COL13A1: variants seen among roughly 807,000 people sequenced by gnomAD.
The protein encoded by COL13A1 is collagen type XIII alpha 1 chain.
Under a neutral mutation model 130.9 loss-of-function variants are expected in COL13A1, and 89 were observed. The ratio of observed to expected loss-of-function variants is 0.68; its 90% CI spans 0.57 to 0.81. COL13A1 has a LOEUF of 0.81. COL13A1 is among the 30% of genes least tolerant of loss of function. COL13A1 has a pLI of 0.00. For missense variants in COL13A1, 879 were observed against 934.6 expected, an observed-to-expected ratio of 0.94 and a Z score of 0.78; for synonymous variants, 402 against 341.6, an observed-to-expected ratio of 1.18 and a Z score of -1.95.
intron 34 of COL13A1, among the ~76,000 whole-genome samples, chr10:69,938,903 C>A (rs1251509871): frequency 6.6e-6 from 1 of 152,158 alleles, no homozygotes; most frequent in Non-Finnish European, 1.5e-5. Context: ...CTTCCTGCCC[C>A]ACTCAACCAC....
At chr10:69,809,148 C>T (rs1005549824) in intron 1 of COL13A1, among the ~76,000 whole-genome samples, 1 of 152,198 alleles carries the variant, frequency 6.6e-6, no homozygotes, top group African/African-American at 2.4e-5. Flanking sequence ...ATTTGAACCC[C>T]TGCCACTAAC....
chr10:69,804,415 G>C (rs913322349), intron 1 of COL13A1, among the ~76,000 whole-genome samples: 1 of 152,038 alleles, frequency 6.6e-6, no homozygotes, highest in African/African-American at 2.4e-5. Context: ...GGGCCTTGGG[G>C]CTAACTATTG....
At chr10:69,803,737 C>T (rs1840699772) in intron 1 of COL13A1, among the ~76,000 whole-genome samples, 2 of 151,418 alleles carry the variant, frequency 1.3e-5, no homozygotes, top group Non-Finnish European at 2.9e-5. Context: ...GTGGTAGAGG[C>T]CAGCAACCCT....
intron 1 of COL13A1, among the ~76,000 whole-genome samples, chr10:69,822,018 CCA>C (rs1337950307): frequency 8.5e-5 from 13 of 152,176 alleles, no homozygotes; most frequent in Non-Finnish European, 1.9e-4. Flanking sequence ...GGAGCCCAGT[CCA>C]AGGCAGAAAA....
intron 10 of COL13A1, 30 bp from the exon 11 acceptor site, chr10:69,894,522 C>A (rs1371039677): frequency 6.2e-7 from 1 of 1,613,296 alleles, no homozygotes; most frequent in Non-Finnish European, 8.5e-7. Flanking sequence ...TCTGTCTGCC[C>A]ACTGACCTGT....
chr10:69,947,199 C>T, intron 37 of COL13A1, 108 bp from the exon 38 acceptor site: 1 of 971,486 alleles, frequency 1.0e-6, no homozygotes, highest in Non-Finnish European at 1.6e-6. Flanking sequence ...CTAAACCTGT[C>T]TCCAGTGAGT....
chr10:69,938,405 C>T (rs1206934137), intron 34 of COL13A1, among the ~76,000 whole-genome samples: 1 of 152,142 alleles, frequency 6.6e-6, no homozygotes, highest in African/African-American at 2.4e-5. Context: ...GCTCCATGCC[C>T]CCTAACCCTC....
Position 69,924,002 on chromosome 10 carries a change from G to A in COL13A1, c.1284+147G>A, listed in dbSNP as rs117521777. The A allele has an allele frequency of 2.2e-4, 240 of 1,095,892 alleles. 1 individual carries two copies. The East Asian group carries it at 6.3e-3, about 29-fold the overall frequency. The allele number at this position is 1,095,892 out of a possible 1,614,324, so 67.9% of individuals were successfully genotyped here. A position where few individuals can be genotyped will look rare whatever the true frequency, so the allele number is the denominator to read the frequency against. ...CTTCCCTAATTCCTGGTTGGCTTGG[G>A]CTTTAGAGAGCCATGCACTGAGACA... is the stretch of plus-strand genomic sequence containing the variant. On this transcript the variant is annotated intron_variant, in intron 24 of 40. Transcript: ENST00000645393.
At chr10:69,938,604 CCTGGG>C (rs1420844164) in intron 34 of COL13A1, among the ~76,000 whole-genome samples, 3 of 152,204 alleles carry the variant, frequency 2.0e-5, no homozygotes, top group Non-Finnish European at 4.4e-5. Flanking sequence ...CTTCCTCTGT[CCTGGG>C]CTCAAGGCCA....
chr10:69,831,294 G>C (rs557299175), intron 2 of COL13A1, among the ~76,000 whole-genome samples: 1 of 152,178 alleles, frequency 6.6e-6, no homozygotes, highest in Non-Finnish European at 1.5e-5. Flanking sequence ...AGACCCAGGG[G>C]GTCAAGCCCT....
chr10:69,825,676 G>A (rs1291748484), intron 2 of COL13A1, among the ~76,000 whole-genome samples: 1 of 152,212 alleles, frequency 6.6e-6, no homozygotes, highest in Non-Finnish European at 1.5e-5. Context: ...GCCCTCTGTG[G>A]CCAGCTAGGC....
At chr10:69,895,461 G>A (rs2061542789) in intron 12 of COL13A1, 89 bp from the exon 13 acceptor site, 1 of 1,377,598 alleles carries the variant, frequency 7.3e-7, no homozygotes, top group Non-Finnish European at 1.0e-6. Flanking sequence ...TGACATGTGT[G>A]GCATGTCCTG....
chr10:69,841,718 T>C (rs1851646887), intron 2 of COL13A1, among the ~76,000 whole-genome samples: 1 of 151,856 alleles, frequency 6.6e-6, no homozygotes, highest in African/African-American at 2.4e-5. Flanking sequence ...AGAAAAAAAA[T>C]CCTCAAGCGT....
At chr10:69,827,720 G>T (rs1180590585) in intron 2 of COL13A1, among the ~76,000 whole-genome samples, 1 of 152,136 alleles carries the variant, frequency 6.6e-6, no homozygotes, top group East Asian at 1.9e-4. Context: ...TTTTTCCACA[G>T]CTGATGAGAG....
At chr10:69,861,897 G>A (rs1258543164) in intron 2 of COL13A1, among the ~76,000 whole-genome samples, 1 of 152,186 alleles carries the variant, frequency 6.6e-6, no homozygotes, top group East Asian at 1.9e-4. Context: ...AAGGTCTGGG[G>A]GTGTCTTGTG....
chr10:69,881,737 C>A (rs900556052), intron 7 of COL13A1, among the ~76,000 whole-genome samples: 1 of 152,194 alleles, frequency 6.6e-6, no homozygotes, highest in African/African-American at 2.4e-5. Flanking sequence ...TTAACACTTC[C>A]TCTGTGGTGG....
At chr10:69,947,583 C>T (rs1161929492) in intron 38 of COL13A1, among the ~76,000 whole-genome samples, 1 of 152,160 alleles carries the variant, frequency 6.6e-6, no homozygotes, top group Non-Finnish European at 1.5e-5. Context: ...ATGGCAGCCA[C>T]CAGCTTAGCA....
At chr10:69,889,529 C>T in intron 10 of COL13A1, 89 bp downstream of exon 10, 1 of 1,518,952 alleles carries the variant, frequency 6.6e-7, no homozygotes. Flanking sequence ...GTGGGTCCCA[C>T]AGGGACAACA....
chr10:69,819,277 G>T (rs1564749409), intron 1 of COL13A1, among the ~76,000 whole-genome samples: 1 of 152,204 alleles, frequency 6.6e-6, no homozygotes, highest in Admixed American at 6.5e-5. Context: ...AGTGATGAGG[G>T]TCAGGTGAAG....
Sources: allele counts gnomAD v4.1 joint callset (sites outside exome capture counted in the v4.1 genomes callset), GRCh38; gene constraint gnomAD v4.1.1; transcripts MANE v1.5; gene names NCBI Gene and HGNC (gene_info 2026-07-23, HGNC 2026-07-21).